The following AMOTL1 variants were observed in gnomAD, a reference collection of about 807,000 sequenced individuals.
AMOTL1 encodes angiomotin-like protein 1.
AMOTL1 carries 45 observed loss-of-function variants against 102.9 expected under a neutral mutation model. The ratio of observed to expected loss-of-function variants is 0.44; its 90% CI spans 0.34 to 0.56. AMOTL1 has a LOEUF of 0.56. Ranked by LOEUF, AMOTL1 falls within the 20% of genes least tolerant of loss-of-function variation. The pLI is 0.01. For missense variants in AMOTL1, 1,114 were observed against 1,225.6 expected, an observed-to-expected ratio of 0.91 and a Z score of 1.36; for synonymous variants, 481 against 484.7, an observed-to-expected ratio of 0.99 and a Z score of 0.10.
chr11:94,821,481 C>T, intron 3 of AMOTL1, 49 bp from the exon 4 acceptor site: 2 of 1,570,868 alleles, frequency 1.3e-6, no homozygotes, highest in African/African-American at 1.3e-5. Context: ...TTCCTTCCTG[C>T]TCCCACCATT....
At chr11:94,854,851 G>A (rs1049188644) in intron 8 of AMOTL1, among the ~76,000 whole-genome samples, 1 of 152,152 alleles carries the variant, frequency 6.6e-6, no homozygotes, top group African/African-American at 2.4e-5. Context: ...AGGGATGTAA[G>A]ACCATCCCTA....
intron 1 of AMOTL1, among the ~76,000 whole-genome samples, chr11:94,717,089 T>C (rs1024844942): frequency 6.6e-6 from 1 of 151,918 alleles, no homozygotes; most frequent in African/African-American, 2.4e-5. Flanking sequence ...ATGGGATATA[T>C]GGGAGATAAA....
chr11:94,801,448 G>A lies in AMOTL1; in HGVS notation c.1121+1137G>A, dbSNP rs76917726. 3.9e-3 allele frequency among the ~76,000 whole-genome samples: 593 copies of A among 152,270 alleles called. 1 individual carries two copies. Among genetic ancestry groups the A allele is most frequent in the Non-Finnish European group, 5.9e-3 (400 of 68,022 alleles). ...TCTGGGTGTCGTATTAAGGAGTTTA[G>A]AATGTATCCATAAGCAATCGGGAAA... On this transcript the variant is annotated intron_variant, in intron 3 of 12. Transcript: ENST00000433060.
intron 2 of AMOTL1, among the ~76,000 whole-genome samples, chr11:94,733,773 T>C (rs184172380): frequency 6.6e-6 from 1 of 152,378 alleles, no homozygotes; most frequent in Admixed American, 6.5e-5. Flanking sequence ...TTTTGTCTGA[T>C]TTCACTCAAT....
chr11:94,717,959 C>T (rs1046275126), intron 1 of AMOTL1, among the ~76,000 whole-genome samples: 2 of 151,740 alleles, frequency 1.3e-5, no homozygotes, highest in African/African-American at 4.8e-5. Flanking sequence ...AGTGAGAAAA[C>T]TTTCTTCCTC....
chr11:94,837,082 A>C (rs1361218799), intron 6 of AMOTL1, among the ~76,000 whole-genome samples: 1 of 152,216 alleles, frequency 6.6e-6, no homozygotes, highest in Non-Finnish European at 1.5e-5. Context: ...AAGTTGTCTT[A>C]ACTGATTCTC....
At chr11:94,810,496 C>CAAAAAAAAAAA (rs5793699) in intron 3 of AMOTL1, among the ~76,000 whole-genome samples, 3 of 133,528 alleles carry the variant, frequency 2.2e-5, no homozygotes, top group Non-Finnish European at 3.1e-5. Flanking sequence ...TATTTTAGTC[C>CAAAAAAAAAAA]AAAAAAAAAA....
chr11:94,805,296 G>C (rs1461666828), intron 3 of AMOTL1, among the ~76,000 whole-genome samples: 1 of 152,238 alleles, frequency 6.6e-6, no homozygotes, highest in Non-Finnish European at 1.5e-5. Context: ...GAAGAAAGCT[G>C]TCTGGATACC....
At chr11:94,710,586 G>C (rs762427514) in intron 1 of AMOTL1, among the ~76,000 whole-genome samples, 6 of 152,172 alleles carry the variant, frequency 3.9e-5, no homozygotes, top group African/African-American at 7.2e-5. Context: ...GACAGCGTTG[G>C]AGCAGTACTA....
intron 4 of AMOTL1, among the ~76,000 whole-genome samples, chr11:94,828,640 T>C (rs1021156259): frequency 6.6e-6 from 1 of 152,330 alleles, no homozygotes; most frequent in East Asian, 1.9e-4. Flanking sequence ...GGAATTGCTG[T>C]CCTTATTTCT....
intron 3 of AMOTL1, among the ~76,000 whole-genome samples, chr11:94,757,759 G>A (rs967278174): frequency 1.3e-5 from 2 of 152,152 alleles, no homozygotes; most frequent in Non-Finnish European, 2.9e-5. Flanking sequence ...CATGAGATGG[G>A]AGGCAACATA....
chr11:94,787,901 A>G (rs962082094), intron 1 of AMOTL1, among the ~76,000 whole-genome samples: 3 of 152,148 alleles, frequency 2.0e-5, no homozygotes, highest in African/African-American at 7.2e-5. Context: ...AAGGCTCAGA[A>G]AATGGGCAGG....
chr11:94,706,917 G>A (rs535445741), intron 1 of AMOTL1, among the ~76,000 whole-genome samples: 53 of 152,250 alleles, frequency 3.5e-4, no homozygotes, highest in African/African-American at 1.3e-3. Flanking sequence ...CTTTGGGCTA[G>A]GGCCATCCAT....
chr11:94,735,822 A>G (rs1950432208), intron 2 of AMOTL1, among the ~76,000 whole-genome samples: 1 of 152,168 alleles, frequency 6.6e-6, no homozygotes. Flanking sequence ...TCTATACCAA[A>G]TGTTTTTTCC....
rs116638409 is a variant in AMOTL1 at position 94,789,454 on chromosome 11, C to T, written c.50-5557C>T. Among the ~76,000 whole-genome samples, 938 of 152,312 alleles carry T rather than the reference C, an allele frequency of 6.2e-3. 11 individuals are homozygous for T. The highest frequency in any genetic ancestry group is 0.021 in the African/African-American group (866 of 41,568). The stretch of plus-strand genomic sequence containing the variant: ...GATTACAGGCTTGAGCCACCGTGCC[C>T]GGCACTGTTTCCTTTTTAAAAACAT... On this transcript the variant is annotated intron_variant, in intron 1 of 12. Coordinates refer to ENST00000433060, the MANE Select transcript of AMOTL1 (RefSeq NM_130847.3).
chr11:94,725,898 A>G (rs1401648333), intron 1 of AMOTL1, among the ~76,000 whole-genome samples: 1 of 152,172 alleles, frequency 6.6e-6, no homozygotes, highest in African/African-American at 2.4e-5. Context: ...AAGTGACATG[A>G]TCAGATGCGT....
chr11:94,858,448 G>A (rs1448488653), intron 8 of AMOTL1, among the ~76,000 whole-genome samples: 9 of 152,160 alleles, frequency 5.9e-5, no homozygotes, highest in Admixed American at 1.3e-4. Context: ...ATTAGTTTCC[G>A]TCAGTACAGC....
At chr11:94,812,962 T>G (rs797018461) in intron 3 of AMOTL1, among the ~76,000 whole-genome samples, 43 of 152,322 alleles carry the variant, frequency 2.8e-4, no homozygotes, top group African/African-American at 9.9e-4. Flanking sequence ...AAGAGCCAGC[T>G]GCTTCTAATC....
intron 1 of AMOTL1, among the ~76,000 whole-genome samples, chr11:94,711,724 A>C (rs941783788): frequency 4.6e-5 from 7 of 152,150 alleles, no homozygotes; most frequent in Admixed American, 3.3e-4. Context: ...ATTCAGCATA[A>C]TAATCTTGAG....
Sources: gnomAD v4.1 joint callset for allele counts (sites outside exome capture counted in the v4.1 genomes callset) on GRCh38, gnomAD v4.1.1 for gene constraint, MANE v1.5 for transcripts, NCBI Gene and HGNC (gene_info 2026-07-23, HGNC 2026-07-21) for gene names.